The following ANXA11 variants were observed in gnomAD, a reference collection of about 807,000 sequenced individuals.
The protein encoded by ANXA11 is 56 kDa autoantigen.
In ANXA11, 57 loss-of-function variants were observed where a neutral mutation model predicts 64.7. That is an observed-to-expected ratio of 0.88 (90% CI 0.71 to 1.10). The LOEUF is 1.10. Among genes scored for constraint, ANXA11 ranks in the 50% least tolerant of loss-of-function variants. The probability of loss-of-function intolerance (pLI) is 0.00; values close to 1 mark genes in which losing one functional copy is unlikely to be tolerated. For synonymous variants in ANXA11, 260 were observed against 265.2 expected, an observed-to-expected ratio of 0.98 and a Z score of 0.19; for missense variants, 675 against 670.7, an observed-to-expected ratio of 1.01 and a Z score of -0.07.
Position 80,177,700 on chromosome 10 carries a change from C to T in ANXA11, c.-57-1545G>A, listed in dbSNP as rs186014937. On this transcript the variant is annotated intron_variant, in intron 1 of 15. Coordinates refer to ENST00000422982, the MANE Select transcript of ANXA11 (RefSeq NM_145868.2). ...GGTGCAGGCATTTAACCAGCTCTCCCCCAACTCACTCTGCCACCACCCAGT... is the reference window on the plus strand; with the variant it reads ...GGTGCAGGCATTTAACCAGCTCTCCTCCAACTCACTCTGCCACCACCCAGT... Among the ~76,000 whole-genome samples the T allele has an allele frequency of 3.1e-3, 465 of 152,286 alleles. 4 individuals are homozygous for T. Among genetic ancestry groups the T allele is most frequent in the African/African-American group, 0.011 (443 of 41,552 alleles).
chr10:80,197,027 A>T (rs951170888), intron 1 of ANXA11, among the ~76,000 whole-genome samples: 10 of 152,232 alleles, frequency 6.6e-5, no homozygotes, highest in African/African-American at 2.4e-4. Context: ...TGGATTACAT[A>T]AGAATCCTAA....
At chr10:80,183,107 C>T (rs531879515) in intron 1 of ANXA11, among the ~76,000 whole-genome samples, 2 of 152,194 alleles carry the variant, frequency 1.3e-5, no homozygotes, top group African/African-American at 4.8e-5. Flanking sequence ...GAGTGGCTCA[C>T]GACCTCCACA....
At chr10:80,198,564 G>A (rs1840273394) in intron 1 of ANXA11, among the ~76,000 whole-genome samples, 1 of 152,214 alleles carries the variant, frequency 6.6e-6, no homozygotes, top group Non-Finnish European at 1.5e-5. Flanking sequence ...ATGATTCAGG[G>A]TGCAGTCCAA....
intron 2 of ANXA11, chr10:80,173,112 G>A (rs1282825357): frequency 2.0e-6 from 1 of 492,814 alleles, no homozygotes; most frequent in South Asian, 2.5e-5. Flanking sequence ...CCCACCCACA[G>A]TGACAGGATT....
In ANXA11 at chr10:80,163,503, G is replaced by C. The variant is rs767534969; in HGVS notation, c.1029+31C>G. The C allele has an allele frequency of 5.0e-6, 8 of 1,598,306 alleles. No homozygotes were observed. The Admixed American group carries it at 1.4e-4, about 28-fold the overall frequency. ...CCATCTCTTTGACTTCCATGGCTTG[G>C]GGGCCCCGAGCCCTGTCGTGGGAAA... On this transcript the variant is annotated intron_variant, in intron 10 of 15. Coordinates refer to ENST00000422982, the MANE Select transcript of ANXA11 (RefSeq NM_145868.2).
intron 1 of ANXA11, among the ~76,000 whole-genome samples, chr10:80,204,321 A>G (rs891017497): frequency 6.6e-6 from 1 of 152,236 alleles, no homozygotes; most frequent in African/African-American, 2.4e-5. Flanking sequence ...GGAATCCCCA[A>G]CAATTGACTG....
intron 1 of ANXA11, among the ~76,000 whole-genome samples, chr10:80,193,417 T>C (rs1404155126): frequency 6.6e-6 from 1 of 152,124 alleles, no homozygotes; most frequent in South Asian, 2.1e-4. Flanking sequence ...TTATAAGCCT[T>C]TTGGATCAAC....
At chr10:80,194,335 T>G (rs546575831) in intron 1 of ANXA11, among the ~76,000 whole-genome samples, 1 of 152,274 alleles carries the variant, frequency 6.6e-6, no homozygotes, top group Non-Finnish European at 1.5e-5. Context: ...TCCACTTCAT[T>G]AGCTTCACAG....
At chr10:80,182,151 C>T (rs1846377909) in intron 1 of ANXA11, among the ~76,000 whole-genome samples, 4 of 149,972 alleles carry the variant, frequency 2.7e-5, no homozygotes, top group South Asian at 2.1e-4. Context: ...ATAGGTGGAT[C>T]GATGTTGCTT....
At chr10:80,167,998 AGGAT>A (rs1257437567) in intron 5 of ANXA11, among the ~76,000 whole-genome samples, 3 of 152,104 alleles carry the variant, frequency 2.0e-5, no homozygotes, top group African/African-American at 4.8e-5. Context: ...GGGAGGCTGG[AGGAT>A]GGCACAGGGT....
At chr10:80,157,575 G>A in intron 15 of ANXA11, 66 bp downstream of exon 15, 1 of 1,577,656 alleles carries the variant, frequency 6.3e-7, no homozygotes, top group Non-Finnish European at 8.6e-7. Flanking sequence ...CCACTCCAAG[G>A]AGGGAGGTTC....
At chr10:80,175,419 C>A (rs1846135050) in intron 2 of ANXA11, among the ~76,000 whole-genome samples, 1 of 152,070 alleles carries the variant, frequency 6.6e-6, no homozygotes, top group Admixed American at 6.5e-5. Context: ...AGAAATGAAG[C>A]CAAAAGCTCC....
intron 4 of ANXA11, among the ~76,000 whole-genome samples, chr10:80,169,878 C>CCACA (rs143979747): frequency 1.5e-3 from 231 of 152,290 alleles, no homozygotes; most frequent in Non-Finnish European, 2.8e-3. Context: ...TCCACTTTAG[C>CCACA]CACACTGGCC....
chr10:80,163,990 C>T (rs1237320135), intron 9 of ANXA11, 63 bp downstream of exon 9: 23 of 1,421,154 alleles, frequency 1.6e-5, no homozygotes, highest in South Asian at 9.4e-5. Context: ...AATGAGGCCA[C>T]AGCCCCAAGA....
chr10:80,193,797 G>A (rs1269762805), intron 1 of ANXA11, among the ~76,000 whole-genome samples: 1 of 139,194 alleles, frequency 7.2e-6, no homozygotes, highest in Non-Finnish European at 1.6e-5. Context: ...GGGCAACAGA[G>A]GGAGACTCTG....
intron 1 of ANXA11, among the ~76,000 whole-genome samples, chr10:80,183,208 T>G (rs2132458026): frequency 6.6e-6 from 1 of 152,340 alleles, no homozygotes; most frequent in Admixed American, 6.5e-5. Context: ...GACAAGGGCC[T>G]GGAGCCCAGA....
At chr10:80,182,438 T>C (rs1846389259) in intron 1 of ANXA11, among the ~76,000 whole-genome samples, 1 of 152,182 alleles carries the variant, frequency 6.6e-6, no homozygotes. Flanking sequence ...ACGTACAGTT[T>C]AAAACACACA....
intron 3 of ANXA11, chr10:80,171,854 G>A: frequency 4.1e-6 from 4 of 985,500 alleles, no homozygotes; most frequent in Non-Finnish European, 4.8e-6. Context: ...CTACTATAGA[G>A]AGAGAACCCA....
At chr10:80,203,354 C>A (rs2132516944) in intron 1 of ANXA11, among the ~76,000 whole-genome samples, 1 of 152,214 alleles carries the variant, frequency 6.6e-6, no homozygotes, top group African/African-American at 2.4e-5. Context: ...AGGGTGGGCC[C>A]TTTCTATAGT....
Sources: gnomAD v4.1 joint callset for allele counts (sites outside exome capture counted in the v4.1 genomes callset) on GRCh38, gnomAD v4.1.1 for gene constraint, MANE v1.5 for transcripts, NCBI Gene and HGNC (gene_info 2026-07-23, HGNC 2026-07-21) for gene names.